Variants in IMMP2L observed in about 807,000 individuals in gnomAD.
IMMP2L encodes inner mitochondrial membrane peptidase subunit 2.
Under a neutral mutation model 19.3 loss-of-function variants are expected in IMMP2L, and 18 were observed. That is an observed-to-expected ratio of 0.93 (90% CI 0.64 to 1.38). The LOEUF (loss-of-function observed/expected upper bound fraction) is 1.38. Ranked by LOEUF, IMMP2L falls within the 40% of genes most tolerant of loss-of-function variation. IMMP2L has a pLI of 0.00. For synonymous variants in IMMP2L, 76 were observed against 73.0 expected, an observed-to-expected ratio of 1.04 and a Z score of -0.21; for missense variants, 233 against 218.2, an observed-to-expected ratio of 1.07 and a Z score of -0.43.
intron 3 of IMMP2L, among the ~76,000 whole-genome samples, chr7:111,042,445 T>A (rs1475101981): frequency 6.6e-6 from 1 of 152,228 alleles, no homozygotes; most frequent in Admixed American, 6.5e-5. Flanking sequence ...CCTCCCAAAG[T>A]GTTGGGATTA....
intron 3 of IMMP2L, among the ~76,000 whole-genome samples, chr7:111,085,531 G>A (rs1005230187): frequency 6.6e-6 from 1 of 152,170 alleles, no homozygotes; most frequent in Non-Finnish European, 1.5e-5. Flanking sequence ...TCTGACTGAT[G>A]TGGGATGGTA....
intron 3 of IMMP2L, among the ~76,000 whole-genome samples, chr7:111,261,238 T>C (rs1817280579): frequency 6.6e-6 from 1 of 152,166 alleles, no homozygotes; most frequent in African/African-American, 2.4e-5. Flanking sequence ...TTTAGCTCTC[T>C]GAGGTAAATG....
In IMMP2L at chr7:111,080,549, C is replaced by T. The variant is rs180944575; in HGVS notation, c.240-116984G>A. 2.3e-4 allele frequency among the ~76,000 whole-genome samples: 35 copies of T among 151,376 alleles called. No individual in the cohort carries two copies. The East Asian group carries it at 5.2e-3, about 23-fold the overall frequency. On this transcript the variant is annotated intron_variant, in intron 3 of 5. Coordinates refer to ENST00000405709, the MANE Select transcript of IMMP2L (RefSeq NM_032549.4). Reference sequence around the variant, plus strand: ...TATATTACATATGTGTGTATGTATACACACAGAATATTTCAAAAAAGATTA... The same window carrying T: ...TATATTACATATGTGTGTATGTATATACACAGAATATTTCAAAAAAGATTA...
chr7:110,865,202 GCTTA>G (rs1585071394), intron 5 of IMMP2L, among the ~76,000 whole-genome samples: 3 of 151,948 alleles, frequency 2.0e-5, no homozygotes, highest in Admixed American at 6.6e-5. Context: ...CTGTAACTAT[GCTTA>G]TTCATTCATT....
At chr7:111,075,798 G>A (rs1464905993) in intron 3 of IMMP2L, among the ~76,000 whole-genome samples, 3 of 152,018 alleles carry the variant, frequency 2.0e-5, no homozygotes, top group Non-Finnish European at 2.9e-5. Context: ...CTTAAACTCC[G>A]ATCTCTCCTC....
chr7:111,229,515 A>C (rs1813491353), intron 3 of IMMP2L, among the ~76,000 whole-genome samples: 1 of 152,180 alleles, frequency 6.6e-6, no homozygotes, highest in East Asian at 1.9e-4. Context: ...AAGTGGTTCC[A>C]AAGGTTGCCA....
chr7:111,282,142 T>A (rs990291209), intron 3 of IMMP2L, among the ~76,000 whole-genome samples: 2 of 152,138 alleles, frequency 1.3e-5, no homozygotes, highest in Non-Finnish European at 2.9e-5. Flanking sequence ...TAAGACTAAT[T>A]GGCTATGATG....
intron 1 of IMMP2L, among the ~76,000 whole-genome samples, chr7:111,522,468 AG>A (rs1846427288): frequency 6.6e-6 from 1 of 152,146 alleles, no homozygotes; most frequent in Admixed American, 6.5e-5. Flanking sequence ...AATAGCAAAA[AG>A]ACAACCCAAT....
chr7:111,220,531 G>C (rs1440657687), intron 3 of IMMP2L, among the ~76,000 whole-genome samples: 1 of 151,858 alleles, frequency 6.6e-6, no homozygotes, highest in East Asian at 1.9e-4. Context: ...ATATTCATTT[G>C]AGATAAAAAG....
chr7:111,157,180 A>G (rs1328752296), intron 3 of IMMP2L, among the ~76,000 whole-genome samples: 2 of 152,120 alleles, frequency 1.3e-5, no homozygotes, highest in Non-Finnish European at 1.5e-5. Flanking sequence ...CTCCTCATAA[A>G]ACTAAAAATA....
chr7:110,799,367 T>G (rs757493121), intron 5 of IMMP2L, among the ~76,000 whole-genome samples: 3 of 152,042 alleles, frequency 2.0e-5, no homozygotes, highest in Non-Finnish European at 4.4e-5. Context: ...AAAAATTAAA[T>G]GAATGATGTG....
chr7:111,480,042 T>C (rs1842043937), intron 3 of IMMP2L, among the ~76,000 whole-genome samples: 1 of 152,094 alleles, frequency 6.6e-6, no homozygotes, highest in South Asian at 2.1e-4. Context: ...TTATCCTACT[T>C]TAAAAAATAA....
chr7:111,282,356 TA>T (rs1205971235), intron 3 of IMMP2L, among the ~76,000 whole-genome samples: 2 of 151,986 alleles, frequency 1.3e-5, no homozygotes, highest in Non-Finnish European at 2.9e-5. Context: ...AAGGGAAGAG[TA>T]TGGTATTTGA....
chr7:111,310,191 C>G (rs1332686089), intron 3 of IMMP2L, among the ~76,000 whole-genome samples: 1 of 150,922 alleles, frequency 6.6e-6, no homozygotes, highest in Non-Finnish European at 1.5e-5. Context: ...GTCGAGATCA[C>G]CACTGCACTC....
At chr7:111,283,130 C>A (rs1261481633) in intron 3 of IMMP2L, among the ~76,000 whole-genome samples, 1 of 151,912 alleles carries the variant, frequency 6.6e-6, no homozygotes, top group African/African-American at 2.4e-5. Context: ...TCTCTGATCA[C>A]AATAGAATAA....
At chr7:111,346,952 T>C (rs1380885460) in intron 3 of IMMP2L, among the ~76,000 whole-genome samples, 2 of 151,944 alleles carry the variant, frequency 1.3e-5, no homozygotes, top group Non-Finnish European at 2.9e-5. Context: ...GCTGGCAAAA[T>C]TAACTGTGAT....
At chr7:111,110,304 A>T (rs1386143373) in intron 3 of IMMP2L, among the ~76,000 whole-genome samples, 1 of 152,226 alleles carries the variant, frequency 6.6e-6, no homozygotes, top group African/African-American at 2.4e-5. Flanking sequence ...CAGTCATTAA[A>T]GAAAACCTCA....
intron 3 of IMMP2L, among the ~76,000 whole-genome samples, chr7:111,156,700 T>C (rs555982857): frequency 6.6e-6 from 1 of 152,220 alleles, no homozygotes; most frequent in South Asian, 2.1e-4. Context: ...AATATTAATG[T>C]CGTCTTTTAA....
chr7:111,332,011 T>C (rs1169752697), intron 3 of IMMP2L, among the ~76,000 whole-genome samples: 2 of 151,892 alleles, frequency 1.3e-5, no homozygotes, highest in Non-Finnish European at 2.9e-5. Flanking sequence ...ATGTGCTATA[T>C]GCTATATATT....
Sources: gnomAD v4.1 joint callset for allele counts (sites outside exome capture counted in the v4.1 genomes callset) on GRCh38, gnomAD v4.1.1 for gene constraint, MANE v1.5 for transcripts, NCBI Gene and HGNC (gene_info 2026-07-23, HGNC 2026-07-21) for gene names.